The following BUB1 variants were observed in gnomAD, a reference collection of about 807,000 sequenced individuals.
BUB1 encodes the protein mitotic checkpoint serine/threonine-protein kinase BUB1.
A neutral mutation model predicts 135.2 loss-of-function variants in BUB1; 84 were observed. That is an observed-to-expected ratio of 0.62 (90% CI 0.52 to 0.74). The LOEUF is 0.74. Among genes scored for constraint, BUB1 ranks in the 30% least tolerant of loss-of-function variants. The pLI is 0.00. For synonymous variants in BUB1, 403 were observed against 434.4 expected (o/e 0.93, Z 0.90); for missense variants, 1,162 against 1,288.3 (o/e 0.90, Z 1.50).
At chr2:110,666,530 T>G (rs1177137419) in intron 8 of BUB1, 116 bp from the exon 9 acceptor site, 7 of 801,364 alleles carry the variant, frequency 8.7e-6, no homozygotes, top group Non-Finnish European at 1.0e-5. Flanking sequence ...TATTAGTCTT[T>G]CTCATATTTG....
rs748371924 is a variant in BUB1 at position 110,657,025 on chromosome 2, G to A, written c.1698+11C>T. On this transcript the variant is annotated intron_variant, in intron 15 of 24. Coordinates refer to ENST00000302759, the MANE Select transcript of BUB1 (RefSeq NM_004336.5). ...TAGGACCCATTTCATAGATAAAACA[G>A]GTTTGTTTACCTTTGGTTTTGAAGG... 2.5e-6 allele frequency: 4 copies of A among 1,607,748 alleles called. No homozygotes were observed. Among genetic ancestry groups the A allele is most frequent in the Middle Eastern group, 1.7e-4 (1 of 6,046 alleles).
At chr2:110,654,208 C>T (rs1171644839) in intron 16 of BUB1, among the ~76,000 whole-genome samples, 1 of 152,116 alleles carries the variant, frequency 6.6e-6, no homozygotes, top group African/African-American at 2.4e-5. Context: ...GGCTACAATG[C>T]TTCTGGAGGG....
rs2104559439 is a variant in BUB1 at position 110,672,773 on chromosome 2, C to A, written c.310G>T (p.Ala104Ser). Residue 104 changes from alanine to serine, a missense_variant, in exon 4 of 25, where the codon GCC (alanine) becomes TCC (serine). Ala to Ser is a moderately conservative substitution (Grantham distance 99). Transcript: ENST00000302759. ...IGTLSSPLYI[A>S]WAGHLEAQGE... ...TGGGCTTCCAGATGCCCCGCCCAGG[C>A]AATGTACAGAGGGGATGACAGGGTT... 1.2e-6 allele frequency: 2 copies of A among 1,614,060 alleles called. No individual in the cohort carries two copies. The highest frequency in any genetic ancestry group is 8.5e-7 in the Non-Finnish European group (1 of 1,180,008).
Position 110,654,506 on chromosome 2 carries a change from C to T in BUB1, c.1877-983G>A, listed in dbSNP as rs552989275. On this transcript the variant is annotated intron_variant, in intron 16 of 24. Coordinates refer to ENST00000302759, the MANE Select transcript of BUB1 (RefSeq NM_004336.5). ...CTGAACAGGTGTTACTACTTTTTAG[C>T]ACTAGAACATTAGTTTTTGTTTATC... Among the ~76,000 whole-genome samples, 5 of 152,152 alleles carry T rather than the reference C, an allele frequency of 3.3e-5. No homozygotes were observed. In the East Asian group the frequency reaches 9.6e-4, roughly 29 times the overall value.
chr2:110,670,188 G>T (rs1690383440), intron 5 of BUB1, among the ~76,000 whole-genome samples: 1 of 147,602 alleles, frequency 6.8e-6, no homozygotes. Context: ...GCCCGGGCTG[G>T]AATGAAGTGG....
intron 16 of BUB1, 108 bp from the exon 17 acceptor site, chr2:110,653,631 G>T: frequency 1.2e-6 from 1 of 847,796 alleles, no homozygotes; most frequent in Non-Finnish European, 1.9e-6. Context: ...ACACTGACTT[G>T]CATTATGATT....
chr2:110,672,200 C>A (rs1315167183), intron 4 of BUB1, among the ~76,000 whole-genome samples: 1 of 152,008 alleles, frequency 6.6e-6, no homozygotes, highest in Non-Finnish European at 1.5e-5. Flanking sequence ...GCACTCCAGC[C>A]TGGGCGACAG....
intron 6 of BUB1, among the ~76,000 whole-genome samples, chr2:110,668,151 G>A (rs1206765673): frequency 6.6e-6 from 1 of 152,100 alleles, no homozygotes; most frequent in Non-Finnish European, 1.5e-5. Flanking sequence ...TCATAGTCTA[G>A]TAGCTAGAGT....
intron 10 of BUB1, among the ~76,000 whole-genome samples, chr2:110,660,611 T>G (rs1159057542): frequency 6.6e-6 from 1 of 152,112 alleles, no homozygotes; most frequent in Non-Finnish European, 1.5e-5. Flanking sequence ...AACATTTGTG[T>G]GACACAGGGA....
At chr2:110,671,672 TG>T (rs1690427687) in intron 4 of BUB1, among the ~76,000 whole-genome samples, 1 of 152,132 alleles carries the variant, frequency 6.6e-6, no homozygotes, top group Non-Finnish European at 1.5e-5. Context: ...GTTTCAATTC[TG>T]AGAATCTATG....
intron 20 of BUB1, 131 bp downstream of exon 20, chr2:110,641,988 T>C: frequency 9.9e-7 from 1 of 1,014,478 alleles, no homozygotes. Context: ...TCTTTTGTAG[T>C]TTTTGTTTTT....
At chr2:110,664,966 C>T (rs757932123) in intron 9 of BUB1, among the ~76,000 whole-genome samples, 1 of 152,188 alleles carries the variant, frequency 6.6e-6, no homozygotes, top group Non-Finnish European at 1.5e-5. Context: ...CTTTTACACA[C>T]TGTTAATGTG....
intron 1 of BUB1, chr2:110,674,928 T>G (rs528106238): frequency 6.3e-6 from 1 of 159,290 alleles, no homozygotes; most frequent in Non-Finnish European, 1.4e-5. Flanking sequence ...GACACCTGCC[T>G]TTGCTTCCCA....
intron 1 of BUB1, among the ~76,000 whole-genome samples, chr2:110,676,341 T>C (rs78719145): frequency 1.3e-5 from 2 of 152,264 alleles, no homozygotes; most frequent in Middle Eastern, 6.8e-3. Flanking sequence ...CTAAAAAACA[T>C]GTGAAAAGAT....
Position 110,641,734 on chromosome 2 carries a change from T to C in BUB1, c.2533A>G (p.Met845Val). 2.5e-6 allele frequency: 4 copies of C among 1,612,018 alleles called. No individual in the cohort carries two copies. The highest frequency in any genetic ancestry group is 3.4e-6 in the Non-Finnish European group (4 of 1,179,978). Residue 845 changes from methionine to valine, a missense_variant, in exon 21 of 25, where the codon ATG (methionine) becomes GTG (valine). Physicochemically the swap from Met to Val is conservative, Grantham distance 21. Transcript: ENST00000302759. ...TQLMERLKPSMQHMFMKFYSA... is the reference protein window; with the variant it reads ...TQLMERLKPSVQHMFMKFYSA... Reference sequence around the variant, plus strand: ...TAGAACTTCATAAACATGTGCTGCATAGATGGCTTTAGTCTTTCCATCAAC... The same window carrying C: ...TAGAACTTCATAAACATGTGCTGCACAGATGGCTTTAGTCTTTCCATCAAC...
intron 9 of BUB1, among the ~76,000 whole-genome samples, chr2:110,662,377 A>G (rs1051023692): frequency 6.6e-6 from 1 of 152,264 alleles, no homozygotes; most frequent in Non-Finnish European, 1.5e-5. Flanking sequence ...AAGCATAACA[A>G]GCTCTAAATT....
intron 17 of BUB1, among the ~76,000 whole-genome samples, chr2:110,652,321 A>G (rs919100120): frequency 3.9e-5 from 6 of 151,916 alleles, no homozygotes; most frequent in African/African-American, 1.5e-4. Context: ...ATCCTTTTCG[A>G]GCTGTACTTA....
At chr2:110,658,797 A>G (rs570032514) in intron 11 of BUB1, 55 bp from the exon 12 acceptor site, 6 of 1,594,800 alleles carry the variant, frequency 3.8e-6, no homozygotes, top group Non-Finnish European at 5.1e-6. Flanking sequence ...AGAATAACTT[A>G]AAAGACACAC....
At chr2:110,639,452 A>AG (rs1689443393) in intron 24 of BUB1, among the ~76,000 whole-genome samples, 2 of 151,952 alleles carry the variant, frequency 1.3e-5, no homozygotes, top group African/African-American at 4.8e-5. Context: ...CCTGAGGTCC[A>AG]GTGACATTAG....
Sources: allele counts gnomAD v4.1 joint callset (sites outside exome capture counted in the v4.1 genomes callset), GRCh38; gene constraint gnomAD v4.1.1; transcripts MANE v1.5; gene names NCBI Gene and HGNC (gene_info 2026-07-23, HGNC 2026-07-21).